ASH1L: variants seen among roughly 807,000 people sequenced by gnomAD.
The protein encoded by ASH1L is histone-lysine N-methyltransferase ASH1L.
Under a neutral mutation model 269.0 loss-of-function variants are expected in ASH1L, and 23 were observed. The ratio of observed to expected loss-of-function variants is 0.09; its 90% confidence interval spans 0.06 to 0.12. ASH1L has a LOEUF of 0.12. Ranked by LOEUF, ASH1L falls within the 10% of genes least tolerant of loss-of-function variation. The probability of loss-of-function intolerance (pLI) is 1.00; values close to 1 mark genes in which losing one functional copy is unlikely to be tolerated. For synonymous variants in ASH1L, 1,187 were observed against 1,253.5 expected (o/e 0.95, Z 1.12); for missense variants, 2,912 against 3,567.8 (o/e 0.82, Z 4.68).
intron 19 of ASH1L, among the ~76,000 whole-genome samples, chr1:155,348,911 T>TATACAC (rs1186891494): frequency 0.024 from 3,424 of 140,278 alleles, 96 homozygotes; most frequent in African/African-American, 0.065. Context: ...TATATATATA[T>TATACAC]ACACACACAC....
At position 155,344,350 on chromosome 1, in the gene ASH1L, T is replaced by G. The variant is rs931324978; in HGVS notation, c.7891-77A>C. ...CTACTTATTTCTCAACCTAGAATTC[T>G]CAATCAAAACTTACTGTTTAGTCAT... On this transcript the variant is annotated intron_variant, in intron 21 of 27. Coordinates refer to ENST00000392403, the MANE Select transcript of ASH1L (RefSeq NM_018489.3). The G allele has an allele frequency of 2.6e-6, 3 of 1,133,010 alleles. No individual in the cohort carries two copies. The South Asian group carries it at 4.0e-5, about 15-fold the overall frequency. The allele number at this position is 1,133,010 out of a possible 1,614,324, so 70.2% of individuals were successfully genotyped here.
intron 1 of ASH1L, among the ~76,000 whole-genome samples, chr1:155,558,763 C>A (rs1277879864): frequency 6.6e-6 from 1 of 151,854 alleles, no homozygotes; most frequent in Non-Finnish European, 1.5e-5. Context: ...AACTCCTGGG[C>A]ACAAGTGATC....
chr1:155,561,233 G>A lies in ASH1L; in HGVS notation c.-100+920C>T, dbSNP rs192113316. 4.6e-5 allele frequency among the ~76,000 whole-genome samples: 7 copies of A among 151,180 alleles called. No homozygotes were observed. The East Asian group carries it at 9.7e-4, about 21-fold the overall frequency. ...TATTGTAAACTATTACTATAAACCCGCGACAACAAATAAGGCCACCCATTC... is the reference window on the plus strand; with the variant it reads ...TATTGTAAACTATTACTATAAACCCACGACAACAAATAAGGCCACCCATTC... On this transcript the variant is annotated intron_variant, in intron 1 of 27. Transcript: ENST00000392403.
At chr1:155,373,594 C>A (rs1468047621) in intron 10 of ASH1L, among the ~76,000 whole-genome samples, 2 of 152,116 alleles carry the variant, frequency 1.3e-5, no homozygotes, top group Non-Finnish European at 2.9e-5. Context: ...AGCCAATGCA[C>A]CTGGCTGTTT....
rs557950595 is a variant in ASH1L at position 155,445,226 on chromosome 1, C to T, written c.5087-6158G>A. Among the ~76,000 whole-genome samples the T allele has an allele frequency of 2.6e-5, 4 of 152,250 alleles. No individual in the cohort carries two copies. In the East Asian group the frequency reaches 7.7e-4, roughly 29 times the overall value. On this transcript the variant is annotated intron_variant, in intron 4 of 27. Transcript: ENST00000392403. ...TTAGCGGAGTTTCACTCTTGTTGCC[C>T]AGGCTGGAGTGCAATAGCGTGATCA... is the stretch of plus-strand genomic sequence containing the variant.
At position 155,467,662 on chromosome 1, in the gene ASH1L, C is replaced by T. The variant is rs1293925700; in HGVS notation, c.4985-7764G>A. Among the ~76,000 whole-genome samples the T allele has an allele frequency of 5.9e-5, 9 of 152,014 alleles. No homozygotes were observed. The East Asian group carries it at 1.5e-3, about 26-fold the overall frequency. ...GGTCCAAGCTACACATTCCAGTGTC[C>T]CTAATCTGGTTTCATTTATTTTTCC... is the stretch of plus-strand genomic sequence containing the variant. On this transcript the variant is annotated intron_variant, in intron 3 of 27. Coordinates refer to ENST00000392403, the MANE Select transcript of ASH1L (RefSeq NM_018489.3).
At chr1:155,345,288 C>A (rs915612065) in intron 21 of ASH1L, among the ~76,000 whole-genome samples, 5 of 138,444 alleles carry the variant, frequency 3.6e-5, no homozygotes, top group Non-Finnish European at 7.6e-5. Flanking sequence ...TCAAGTGATT[C>A]CCCTGCCTCA....
chr1:155,550,023 G>A (rs115354086), intron 1 of ASH1L, among the ~76,000 whole-genome samples: 2,340 of 134,808 alleles, frequency 0.017, 54 homozygotes, highest in African/African-American at 0.063. Context: ...TATCACGATA[G>A]CCTCTTTTTT....
At chr1:155,360,439 G>A in intron 12 of ASH1L, 30 bp from the exon 13 acceptor site, 2 of 1,489,756 alleles carry the variant, frequency 1.3e-6, no homozygotes, top group South Asian at 1.2e-5. Context: ...AGTTATAAAG[G>A]CTGGAAATTT....
Position 155,480,425 on chromosome 1 carries a change from G to C in ASH1L, c.2445C>G (p.Val815=), listed in dbSNP as rs1393051424. The C allele has an allele frequency of 7.4e-6, 12 of 1,613,962 alleles. No homozygotes were observed. The highest frequency in any genetic ancestry group is 1.7e-5 in the Admixed American group (1 of 59,990). The change falls in exon 3 of 28, where the codon GTC becomes GTG. Residue 815 remains valine (V), a synonymous_variant. Transcript: ENST00000392403. ...ATHKLSSSMC[V]SSDLLSDIYK... Reference sequence around the variant, plus strand: ...AAATATCAGACAAAAGGTCACTAGAGACACACATACTGGAGGATAGTTTGT... The same window carrying C: ...AAATATCAGACAAAAGGTCACTAGACACACACATACTGGAGGATAGTTTGT...
chr1:155,433,807 G>A (rs1223925391), intron 5 of ASH1L: 7 of 1,606,348 alleles, frequency 4.4e-6, no homozygotes, highest in Non-Finnish European at 5.9e-6. Flanking sequence ...AGTGGGTGGA[G>A]GAAGCTGACA....
intron 12 of ASH1L, 134 bp downstream of exon 12, chr1:155,370,370 C>T (rs1426519338): frequency 4.6e-6 from 5 of 1,086,378 alleles, no homozygotes; most frequent in East Asian, 2.4e-5. Flanking sequence ...TTACTCTGCC[C>T]GTGGGATCTG....
intron 3 of ASH1L, among the ~76,000 whole-genome samples, chr1:155,461,402 T>C (rs115024233): frequency 0.02 from 3,119 of 152,252 alleles, 103 homozygotes; most frequent in African/African-American, 0.072. Context: ...TTTTAGAAAA[T>C]TGATGTGATA....
chr1:155,348,528 T>G (rs557750359), intron 19 of ASH1L, among the ~76,000 whole-genome samples: 8 of 152,210 alleles, frequency 5.3e-5, no homozygotes, highest in African/African-American at 1.9e-4. Context: ...CCACTTTCTC[T>G]CCAATGAGCT....
chr1:155,394,939 T>C (rs940539552), intron 7 of ASH1L, among the ~76,000 whole-genome samples: 1 of 152,154 alleles, frequency 6.6e-6, no homozygotes, highest in Non-Finnish European at 1.5e-5. Flanking sequence ...GTGTTATTTA[T>C]TTAATTTTTT....
At chr1:155,463,115 A>C (rs1008431643) in intron 3 of ASH1L, among the ~76,000 whole-genome samples, 1 of 152,246 alleles carries the variant, frequency 6.6e-6, no homozygotes, top group African/African-American at 2.4e-5. Context: ...CTGTTTTATA[A>C]ACGCCAATTT....
chr1:155,434,381 G>C, intron 5 of ASH1L: 1 of 1,426,478 alleles, frequency 7.0e-7, no homozygotes, highest in Non-Finnish European at 9.6e-7. Context: ...AAGGAATTGG[G>C]AACACAAAGG....
chr1:155,550,436 C>G (rs1031818627), intron 1 of ASH1L, among the ~76,000 whole-genome samples: 10 of 152,190 alleles, frequency 6.6e-5, no homozygotes, highest in Admixed American at 1.3e-4. Flanking sequence ...AGATACCTAT[C>G]AAGTCTTTAA....
At chr1:155,398,633 T>C (rs1426014375) in intron 6 of ASH1L, among the ~76,000 whole-genome samples, 1 of 152,190 alleles carries the variant, frequency 6.6e-6, no homozygotes, top group Non-Finnish European at 1.5e-5. Flanking sequence ...GAAATTACTG[T>C]ACATTGTACA....
Sources: allele counts gnomAD v4.1 joint callset (sites outside exome capture counted in the v4.1 genomes callset), GRCh38; gene constraint gnomAD v4.1.1; transcripts MANE v1.5; gene names NCBI Gene and HGNC (gene_info 2026-07-23, HGNC 2026-07-21).